Variants in TMEM45B observed in about 807,000 individuals in gnomAD.
TMEM45B encodes transmembrane protein 45B.
TMEM45B carries 29 observed loss-of-function variants against 27.3 expected under a neutral mutation model. The ratio of observed to expected loss-of-function variants is 1.06; its 90% CI spans 0.79 to 1.45. The LOEUF is 1.45. Ranked by LOEUF, TMEM45B falls within the 40% of genes most tolerant of loss-of-function variation. The pLI is 0.00. For missense variants in TMEM45B, 348 were observed against 343.9 expected, an observed-to-expected ratio of 1.01 and a Z score of -0.09; for synonymous variants, 143 against 134.7, an observed-to-expected ratio of 1.06 and a Z score of -0.43.
chr11:129,816,002 C>T (rs1233676561), intron 1 of TMEM45B, 104 bp downstream of exon 1: 1 of 1,232,058 alleles, frequency 8.1e-7, no homozygotes, highest in South Asian at 3.9e-5. Context: ...GGTTCCGACT[C>T]GCAGGGGACC....
chr11:129,837,277 G>GTCTCTTTTT (rs1947631922), intron 1 of TMEM45B, among the ~76,000 whole-genome samples: 1 of 151,570 alleles, frequency 6.6e-6, no homozygotes, highest in African/African-American at 2.4e-5. Context: ...AGAGTGAGGG[G>GTCTCTTTTT]TTTCTTTTTT....
At chr11:129,853,752 G>A (rs544292776) in intron 2 of TMEM45B, among the ~76,000 whole-genome samples, 24 of 152,156 alleles carry the variant, frequency 1.6e-4, no homozygotes, top group African/African-American at 5.8e-4. Context: ...ACTTTTCCTG[G>A]GTCATTTCCA....
intron 1 of TMEM45B, among the ~76,000 whole-genome samples, chr11:129,833,635 C>T (rs1947581085): frequency 1.3e-5 from 2 of 151,960 alleles, no homozygotes; most frequent in Admixed American, 6.6e-5. Context: ...ATTAGCCAGG[C>T]ATGGTGGCGG....
intron 1 of TMEM45B, among the ~76,000 whole-genome samples, chr11:129,851,956 T>A (rs769009333): frequency 6.6e-6 from 1 of 152,218 alleles, no homozygotes; most frequent in Non-Finnish European, 1.5e-5. Flanking sequence ...GGGAGATTTA[T>A]AATTTGTTTG....
intron 2 of TMEM45B, among the ~76,000 whole-genome samples, chr11:129,854,053 G>A (rs760087295): frequency 5.9e-5 from 9 of 152,204 alleles, no homozygotes; most frequent in African/African-American, 1.7e-4. Flanking sequence ...TGGGAGGGGC[G>A]CAGGGCTTGC....
rs370164705 is a variant in TMEM45B at position 129,838,558 on chromosome 11, C to T, written c.-8-13917C>T. ...ATGAAAAACCTTCTAGGACAGCTGG[C>T]ATACCTCCAATTCATTCTTTTTAAC... On this transcript the variant is annotated intron_variant, in intron 1 of 5. Transcript: ENST00000281441. Among the ~76,000 whole-genome samples the T allele has an allele frequency of 3.9e-5, 6 of 152,278 alleles. No individual in the cohort carries two copies. The East Asian group carries it at 1.2e-3, about 29-fold the overall frequency.
intron 1 of TMEM45B, among the ~76,000 whole-genome samples, chr11:129,849,609 A>G (rs1294027135): frequency 6.6e-6 from 1 of 152,194 alleles, no homozygotes; most frequent in Non-Finnish European, 1.5e-5. Flanking sequence ...CAGCTCATAC[A>G]GTATGCATAC....
chr11:129,858,828 A>C lies in TMEM45B; in HGVS notation c.*143A>C, dbSNP rs1197001368. 1.8e-6 allele frequency: 1 copy of C among 565,452 alleles called. No homozygotes were observed. The highest frequency in any genetic ancestry group is 3.1e-6 in the Non-Finnish European group (1 of 325,740). 35.0% of individuals were successfully genotyped at this position (565,452 alleles called of 1,614,324 possible). On this transcript the variant is annotated 3_prime_UTR_variant, in exon 6 of 6. Coordinates refer to ENST00000281441, the MANE Select transcript of TMEM45B (RefSeq NM_138788.5). ...CATTCAACACAGGGCTGGAGGTTCT[A>C]CAACAGGAAATCAGGCCTACAGCAT...
At position 129,822,702 on chromosome 11, in the gene TMEM45B, G is replaced by T. The variant is rs544687073; in HGVS notation, c.-9+6804G>T. On this transcript the variant is annotated intron_variant, in intron 1 of 5. Transcript: ENST00000281441. ...TTGACTCCGCCTGCACTTTGAAGTT[G>T]CTGATGTTCTCCATGTTTTATTTTC... Among the ~76,000 whole-genome samples the T allele has an allele frequency of 1.8e-4, 27 of 152,268 alleles. No individual in the cohort carries two copies. In the South Asian group the frequency reaches 4.2e-3, roughly 23 times the overall value.
chr11:129,834,948 A>G (rs1947602584), intron 1 of TMEM45B, among the ~76,000 whole-genome samples: 1 of 152,210 alleles, frequency 6.6e-6, no homozygotes, highest in Non-Finnish European at 1.5e-5. Flanking sequence ...GAGGAACATG[A>G]TATTAGAAAC....
intron 4 of TMEM45B, 102 bp downstream of exon 4, chr11:129,855,994 A>G: frequency 7.2e-7 from 1 of 1,379,904 alleles, no homozygotes; most frequent in Non-Finnish European, 1.0e-6. Flanking sequence ...CTGAAAATGC[A>G]GCATTAACAT....
intron 1 of TMEM45B, among the ~76,000 whole-genome samples, chr11:129,816,419 G>A (rs573601151): frequency 6.6e-5 from 10 of 152,172 alleles, no homozygotes; most frequent in Admixed American, 5.2e-4. Flanking sequence ...ACAAATACAC[G>A]AGCCAGATCC....
intron 1 of TMEM45B, among the ~76,000 whole-genome samples, chr11:129,838,907 A>AT (rs905414026): frequency 6.6e-6 from 1 of 152,030 alleles, no homozygotes; most frequent in Non-Finnish European, 1.5e-5. Flanking sequence ...TTCCTGCTTT[A>AT]TTTTTTTAAA....
chr11:129,848,086 A>G (rs1449298485), intron 1 of TMEM45B, among the ~76,000 whole-genome samples: 2 of 151,580 alleles, frequency 1.3e-5, no homozygotes, highest in African/African-American at 4.8e-5. Flanking sequence ...GCGGCCAGGC[A>G]GAGACACTCC....
At chr11:129,853,506 C>T (rs922130335) in intron 2 of TMEM45B, among the ~76,000 whole-genome samples, 2 of 152,190 alleles carry the variant, frequency 1.3e-5, no homozygotes, top group Non-Finnish European at 2.9e-5. Flanking sequence ...GAGAGGCCTC[C>T]CGTGAGAAGT....
chr11:129,858,699 G>A lies in TMEM45B; in HGVS notation c.*14G>A, dbSNP rs1240066116. ...GATGAGGAATGAGCCGAGATGCGGAGGGCGCAGATGTCCCACTGCACAGCT... is the reference window on the plus strand; with the variant it reads ...GATGAGGAATGAGCCGAGATGCGGAAGGCGCAGATGTCCCACTGCACAGCT... On this transcript the variant is annotated 3_prime_UTR_variant, in exon 6 of 6. Transcript: ENST00000281441. 1 of 1,532,004 alleles carries A rather than the reference G, an allele frequency of 6.5e-7. No homozygotes were observed. The highest frequency in any genetic ancestry group is 1.4e-5 in the African/African-American group (1 of 72,878). The allele number at this position is 1,532,004 out of a possible 1,614,324, so 94.9% of individuals were successfully genotyped here. A position where few individuals can be genotyped will look rare whatever the true frequency, so the allele number is the denominator to read the frequency against.
chr11:129,833,029 G>A (rs1456298591), intron 1 of TMEM45B, among the ~76,000 whole-genome samples: 1 of 151,326 alleles, frequency 6.6e-6, no homozygotes, highest in African/African-American at 2.4e-5. Context: ...ATCACCTGAG[G>A]TCAGGAGTTC....
chr11:129,857,198 TG>T, intron 4 of TMEM45B, 114 bp from the exon 5 acceptor site: 1 of 1,245,342 alleles, frequency 8.0e-7, no homozygotes, highest in Non-Finnish European at 1.1e-6. Flanking sequence ...TAACGAAGTG[TG>T]GGAACTATGA....
rs1237604167 is a variant in TMEM45B, at chr11:129,832,653, A to G, written c.-9+16755A>G. On this transcript the variant is annotated intron_variant, in intron 1 of 5. Coordinates refer to ENST00000281441, the MANE Select transcript of TMEM45B (RefSeq NM_138788.5). ...AATTTTTTTATAAAATTAGATAGCA[A>G]TAATGGTTGCACAGCTGTTAGTAAA... Among the ~76,000 whole-genome samples the G allele has an allele frequency of 1.1e-4, 16 of 152,240 alleles. No individual in the cohort carries two copies. In the Middle Eastern group the frequency reaches 0.01, roughly 97 times the overall value.
Sources: allele counts gnomAD v4.1 joint callset (sites outside exome capture counted in the v4.1 genomes callset), GRCh38; gene constraint gnomAD v4.1.1; transcripts MANE v1.5; gene names NCBI Gene and HGNC (gene_info 2026-07-23, HGNC 2026-07-21).